The following UMAD1 variants were observed in gnomAD, a reference collection of about 807,000 sequenced individuals.
UMAD1 encodes the protein UBAP1-MVB12-associated (UMA) domain containing 1.
UMAD1 carries 8 observed loss-of-function variants against 6.1 expected under a neutral mutation model. The observed-to-expected ratio is 1.30, with a 90% confidence interval of 0.76 to 2.35. The LOEUF is 2.35. UMAD1 is among the 30% of genes most tolerant of loss of function. The probability of loss-of-function intolerance (pLI) is 0.00; values close to 1 mark genes in which losing one functional copy is unlikely to be tolerated. For missense variants in UMAD1, 130 were observed against 78.4 expected (o/e 1.66, Z -2.49); for synonymous variants, 56 against 31.4 (o/e 1.78, Z -2.61).
intron 3 of UMAD1, among the ~76,000 whole-genome samples, chr7:7,840,760 C>G (rs893296335): frequency 3.3e-5 from 5 of 152,150 alleles, no homozygotes; most frequent in Non-Finnish European, 7.4e-5. Flanking sequence ...AGGTTCTTCA[C>G]AGAAGGTTAA....
chr7:7,769,196 T>A (rs1024222442), intron 2 of UMAD1, among the ~76,000 whole-genome samples: 5 of 152,260 alleles, frequency 3.3e-5, no homozygotes, highest in Admixed American at 2.6e-4. Context: ...GGTAACATGG[T>A]TAGGGAAATA....
At chr7:7,759,355 T>C (rs1781839963) in intron 2 of UMAD1, among the ~76,000 whole-genome samples, 1 of 152,200 alleles carries the variant, frequency 6.6e-6, no homozygotes, top group African/African-American at 2.4e-5. Flanking sequence ...TTTTAAAGTA[T>C]GTTGTCTACA....
intron 2 of UMAD1, among the ~76,000 whole-genome samples, chr7:7,730,788 T>C (rs1781232644): frequency 6.6e-6 from 1 of 152,194 alleles, no homozygotes; most frequent in Non-Finnish European, 1.5e-5. Flanking sequence ...AAGATGACAA[T>C]TTTCAAAGCA....
chr7:7,870,984 G>T (rs1203507890), intron 3 of UMAD1, among the ~76,000 whole-genome samples: 2 of 152,190 alleles, frequency 1.3e-5, no homozygotes, highest in African/African-American at 2.4e-5. Flanking sequence ...TACAAAGGTG[G>T]AAAGAATACT....
At chr7:7,838,610 C>G (rs1448690750) in intron 3 of UMAD1, among the ~76,000 whole-genome samples, 24 of 152,146 alleles carry the variant, frequency 1.6e-4, no homozygotes, top group Admixed American at 1.6e-3. Flanking sequence ...GTCATATGCT[C>G]TGGATGAACT....
At chr7:7,730,120 A>G (rs1197323169) in intron 2 of UMAD1, among the ~76,000 whole-genome samples, 1 of 152,100 alleles carries the variant, frequency 6.6e-6, no homozygotes, top group Non-Finnish European at 1.5e-5. Flanking sequence ...CAACTGTCAT[A>G]TGGGCACGAT....
At chr7:7,735,255 AAGGAAAGTT>A (rs1299978781) in intron 2 of UMAD1, among the ~76,000 whole-genome samples, 3 of 152,198 alleles carry the variant, frequency 2.0e-5, no homozygotes, top group Non-Finnish European at 4.4e-5. Flanking sequence ...ATCAAATTAG[AAGGAAAGTT>A]AGTAATAATT....
chr7:7,667,076 T>C (rs1779482770), intron 1 of UMAD1, among the ~76,000 whole-genome samples: 2 of 152,244 alleles, frequency 1.3e-5, no homozygotes, highest in Admixed American at 1.3e-4. Flanking sequence ...CGCAAAGTGC[T>C]GGGATTACAG....
Position 7,878,923 on chromosome 7 carries a change from G to T in UMAD1, c.*1385G>T, listed in dbSNP as rs1025850814. 1 of 152,098 alleles carries T rather than the reference G, an allele frequency of 6.6e-6. No homozygotes were observed. Among genetic ancestry groups the T allele is most frequent in the Non-Finnish European group, 1.5e-5 (1 of 67,990 alleles). 9.4% of individuals were successfully genotyped at this position (152,098 alleles called of 1,614,324 possible). On this transcript the variant is annotated 3_prime_UTR_variant, in exon 4 of 4. Transcript: ENST00000682710. ...TAGATCTTTACATAGTTCTTACAAA[G>T]CATCAGTCTAGGAAATATGACTTAT...
intron 2 of UMAD1, among the ~76,000 whole-genome samples, chr7:7,714,732 T>G (rs1311102002): frequency 6.6e-6 from 1 of 152,058 alleles, no homozygotes; most frequent in Non-Finnish European, 1.5e-5. Context: ...AAAACCTTCC[T>G]GGGGGAAGGT....
At chr7:7,646,106 C>T (rs907556999) in intron 1 of UMAD1, among the ~76,000 whole-genome samples, 12 of 152,128 alleles carry the variant, frequency 7.9e-5, no homozygotes, top group Non-Finnish European at 1.5e-4. Context: ...TTAGCCCTGC[C>T]GTCTGGGAAT....
intron 3 of UMAD1, among the ~76,000 whole-genome samples, chr7:7,835,381 T>C (rs1783545366): frequency 6.7e-6 from 1 of 149,304 alleles, no homozygotes; most frequent in Non-Finnish European, 1.5e-5. Flanking sequence ...TTGTAACTTC[T>C]GCTTTCTTTT....
intron 1 of UMAD1, among the ~76,000 whole-genome samples, chr7:7,655,052 C>G (rs1785309297): frequency 6.6e-6 from 1 of 152,116 alleles, no homozygotes; most frequent in Non-Finnish European, 1.5e-5. Flanking sequence ...TTATGTAATG[C>G]TTGCTATGCT....
At position 7,700,092 on chromosome 7, in the gene UMAD1, G is replaced by A. The variant is rs527867978; in HGVS notation, c.82+26639G>A. 4.6e-5 allele frequency among the ~76,000 whole-genome samples: 7 copies of A among 152,144 alleles called. No homozygotes were observed. In the South Asian group the frequency reaches 1.2e-3, roughly 27 times the overall value. On this transcript the variant is annotated intron_variant, in intron 2 of 3. Coordinates refer to ENST00000682710, the MANE Select transcript of UMAD1 (RefSeq NM_001302348.2). ...TCAGTCTGGGCTCCTTTAACAAAGT[G>A]TCATAGATTGGTGGCTTGTAAACAA...
chr7:7,833,305 G>A (rs1404603684), intron 3 of UMAD1, among the ~76,000 whole-genome samples: 2 of 152,094 alleles, frequency 1.3e-5, no homozygotes, highest in Non-Finnish European at 2.9e-5. Context: ...AGTCATCTCT[G>A]GACTGTTGGC....
At chr7:7,674,417 C>T (rs564995386) in intron 2 of UMAD1, among the ~76,000 whole-genome samples, 1 of 152,282 alleles carries the variant, frequency 6.6e-6, no homozygotes, top group South Asian at 2.1e-4. Context: ...GAGTTTTTCT[C>T]GTGGATAAAC....
chr7:7,795,294 A>C (rs1782653056), intron 2 of UMAD1, among the ~76,000 whole-genome samples: 1 of 152,240 alleles, frequency 6.6e-6, no homozygotes, highest in Admixed American at 6.5e-5. Context: ...TTTGTCAGCT[A>C]GTTCCACTCA....
intron 1 of UMAD1, among the ~76,000 whole-genome samples, chr7:7,656,243 G>A (rs1451945184): frequency 6.6e-6 from 1 of 152,104 alleles, no homozygotes; most frequent in Non-Finnish European, 1.5e-5. Flanking sequence ...GGAAATACGA[G>A]TTGAAGGAGA....
At chr7:7,848,734 TAAAGGA>T (rs1198210085) in intron 3 of UMAD1, among the ~76,000 whole-genome samples, 3 of 152,092 alleles carry the variant, frequency 2.0e-5, no homozygotes, top group Non-Finnish European at 4.4e-5. Context: ...TCATCAAACT[TAAAGGA>T]AAAGACAACC....
Sources: allele counts gnomAD v4.1 joint callset (sites outside exome capture counted in the v4.1 genomes callset), GRCh38; gene constraint gnomAD v4.1.1; transcripts MANE v1.5; gene names NCBI Gene and HGNC (gene_info 2026-07-23, HGNC 2026-07-21).